Variants in DSG4 observed in about 807,000 individuals in gnomAD.
The protein encoded by DSG4 is desmoglein 4, also known as desmoglein-4.
In DSG4, 87 loss-of-function variants were observed where a neutral mutation model predicts 93.1. That is an observed-to-expected ratio of 0.93 (90% CI 0.79 to 1.12). DSG4 has a LOEUF of 1.12. Ranked by LOEUF, DSG4 falls within the 50% of genes most tolerant of loss-of-function variation. The pLI, the probability that DSG4 is intolerant of heterozygous loss-of-function variation, is 0.00. For synonymous variants in DSG4, 432 were observed against 452.9 expected (o/e 0.95, Z 0.59); for missense variants, 1,373 against 1,285.7 (o/e 1.07, Z -1.04).
rs2072390898 is a variant in DSG4, at chr18:31,403,442, A to G, written c.1444A>G (p.Thr482Ala). 5 of 1,613,316 alleles carry G rather than the reference A, an allele frequency of 3.1e-6. No individual in the cohort carries two copies. The highest frequency in any genetic ancestry group is 1.3e-5 in the African/African-American group (1 of 74,908). Residue 482 changes from threonine to alanine, a missense_variant, in exon 11 of 16, where the codon ACC becomes GCC. Thr to Ala is a moderately conservative substitution (Grantham distance 58). Coordinates refer to ENST00000308128, the MANE Select transcript of DSG4 (RefSeq NM_177986.5). ...TGGCTCTGGAAAAACAGCTACAGGA[A>G]CCATATGTATTGAGGTTCCTGATAT... ...DDGSGKTATG[T>A]ICIEVPDIND...
At chr18:31,399,148 C>T in intron 8 of DSG4, 124 bp from the exon 9 acceptor site, 1 of 1,315,364 alleles carries the variant, frequency 7.6e-7, no homozygotes, top group Non-Finnish European at 1.1e-6. Flanking sequence ...TTTTTCAATT[C>T]AAAATCTAAA....
chr18:31,413,347 T>A lies in DSG4; in HGVS notation c.2875T>A (p.Tyr959Asn). The change falls in exon 16 of 16, where the codon TAC becomes AAC. Residue 959 changes from tyrosine (Y) to asparagine (N), a missense_variant. By Grantham distance (143) the Tyr-to-Asn change is moderately radical. Transcript: ENST00000308128. ...NICVPAELAD[Y>N]NNVIYAERVL... ...TTGTGTACCTGCTGAGTTAGCAGAT[T>A]ACAACAATGTAATCTATGCTGAGAG... 1.9e-6 allele frequency: 3 copies of A among 1,614,186 alleles called. No homozygotes were observed. The highest frequency in any genetic ancestry group is 2.5e-6 in the Non-Finnish European group (3 of 1,180,034).
intron 4 of DSG4, 69 bp from the exon 5 acceptor site, chr18:31,388,805 A>G (rs2072217126): frequency 7.5e-6 from 12 of 1,609,042 alleles, no homozygotes; most frequent in Non-Finnish European, 1.0e-5. Flanking sequence ...CTATTTTCTG[A>G]TATATTTTCA....
At chr18:31,381,751 C>T (rs2144159841) in intron 1 of DSG4, among the ~76,000 whole-genome samples, 1 of 152,210 alleles carries the variant, frequency 6.6e-6, no homozygotes. Context: ...CGTCCCCCTC[C>T]CAGGTTCAGG....
Position 31,403,765 on chromosome 18 carries a change from G to A in DSG4, c.1636+131G>A. On this transcript the variant is annotated intron_variant, in intron 11 of 15. Transcript: ENST00000308128. ...AGTTCTTGCCATATTAACATTAAAT[G>A]AAAAAAATATTTCATGTACACAGAG... 2.6e-5 allele frequency: 21 copies of A among 823,466 alleles called. No homozygotes were observed. In the Admixed American group the frequency reaches 3.1e-4, roughly 12 times the overall value. The allele number at this position is 823,466 out of a possible 1,614,324, so 51.0% of individuals were successfully genotyped here. A position where few individuals can be genotyped will look rare whatever the true frequency, so the allele number is the denominator to read the frequency against.
chr18:31,385,321 T>C lies in DSG4; in HGVS notation c.84+150T>C, dbSNP rs573426535. On this transcript the variant is annotated intron_variant, in intron 2 of 15. Transcript: ENST00000308128. ...AACTAGTGAACTGAAATAGCGATGG[T>C]AAAATCCATGCTCCCAAATCTCTAT... The C allele has an allele frequency of 4.7e-5, 29 of 612,054 alleles. No individual in the cohort carries two copies. The South Asian group carries it at 6.5e-4, about 14-fold the overall frequency. The allele number at this position is 612,054 out of a possible 1,614,324, so 37.9% of individuals were successfully genotyped here.
At position 31,388,277 on chromosome 18, in the gene DSG4, G is replaced by A. The variant is rs182027794; in HGVS notation, c.217-90G>A. The A allele has an allele frequency of 1.9e-3, 2,737 of 1,469,520 alleles. 5 individuals are homozygous for A. Among genetic ancestry groups the A allele is most frequent in the Non-Finnish European group, 2.3e-3 (2,486 of 1,069,044 alleles). The allele number at this position is 1,469,520 out of a possible 1,614,324, so 91.0% of individuals were successfully genotyped here. A position where few individuals can be genotyped will look rare whatever the true frequency, so the allele number is the denominator to read the frequency against. ...CAGGTTTCAATCCAAAGCCCATTTG[G>A]TAAAGAAACCCACTCCCTTCTTATT... On this transcript the variant is annotated intron_variant, in intron 3 of 15. Coordinates refer to ENST00000308128, the MANE Select transcript of DSG4 (RefSeq NM_177986.5).
rs1223884653 is a variant in DSG4, at chr18:31,414,372, T to G, written c.*777T>G. On this transcript the variant is annotated 3_prime_UTR_variant, in exon 16 of 16. Transcript: ENST00000308128. ...CACTTACAGGGAATTTTTTCCCTAC[T>G]GTTGCCAATTATGTCAGAAAAATAC... The G allele has an allele frequency of 1.3e-5, 2 of 152,226 alleles. No homozygotes were observed. Among genetic ancestry groups the G allele is most frequent in the Non-Finnish European group, 2.9e-5 (2 of 68,036 alleles). 9.4% of individuals were successfully genotyped at this position (152,226 alleles called of 1,614,324 possible). A position where few individuals can be genotyped will look rare whatever the true frequency, so the allele number is the denominator to read the frequency against.
At chr18:31,388,315 T>G (rs1400803827) in intron 3 of DSG4, 52 bp from the exon 4 acceptor site, 3 of 1,603,564 alleles carry the variant, frequency 1.9e-6, no homozygotes, top group East Asian at 4.5e-5. Context: ...ACTACACTCT[T>G]AAGCATTATC....
chr18:31,409,722 A>C, intron 13 of DSG4, 23 bp from the exon 14 acceptor site: 1 of 1,614,170 alleles, frequency 6.2e-7, no homozygotes, highest in Non-Finnish European at 8.5e-7. Flanking sequence ...GTTTGTTTTT[A>C]AAATGTTTAT....
At chr18:31,392,700 T>C (rs943026033) in intron 8 of DSG4, among the ~76,000 whole-genome samples, 1 of 152,100 alleles carries the variant, frequency 6.6e-6, no homozygotes, top group Non-Finnish European at 1.5e-5. Context: ...TATGAAATAA[T>C]GAAAGAGATA....
At position 31,389,017 on chromosome 18, in the gene DSG4, C is replaced by T. The variant is rs1314899523; in HGVS notation, c.516C>T (p.Ala172=). 2 of 1,612,912 alleles carry T rather than the reference C, an allele frequency of 1.2e-6. No homozygotes were observed. The highest frequency in any genetic ancestry group is 3.3e-4 in the Middle Eastern group (2 of 6,050). ...CCAGCATTGAAGAAAATAGTGATGC[C>T]AGTAAGTAGAATGACATTCCTTCTC... ...YTASIEENSD[A]NTLVVKLCAT... is the part of the protein sequence containing the mutation. Residue 172 remains alanine (A), a splice_region_variant and synonymous_variant, in exon 5 of 16, where the codon GCC becomes GCT. Transcript: ENST00000308128.
rs1326485232 is a variant in DSG4, at chr18:31,376,884, G to T, written c.-28G>T. On this transcript the variant is annotated 5_prime_UTR_variant, in exon 1 of 16. Transcript: ENST00000308128. ...CGAGGGCTCAAATTGAATCTCACAG[G>T]ATTTGCGTGCAAGAGAAACCCAAAG... 6.2e-7 allele frequency: 1 copy of T among 1,613,390 alleles called. No homozygotes were observed. Among genetic ancestry groups the T allele is most frequent in the East Asian group, 2.2e-5 (1 of 44,838 alleles).
intron 12 of DSG4, 112 bp downstream of exon 12, chr18:31,406,485 A>AT (rs2072429112): frequency 8.1e-7 from 1 of 1,241,168 alleles, no homozygotes; most frequent in Non-Finnish European, 1.2e-6. Flanking sequence ...ATCTCTAGCA[A>AT]TTTTTGAGTG....
At chr18:31,399,205 T>C in intron 8 of DSG4, 67 bp from the exon 9 acceptor site, 4 of 1,601,954 alleles carry the variant, frequency 2.5e-6, no homozygotes, top group Admixed American at 1.7e-5. Flanking sequence ...TGCTTTACCA[T>C]GGCTTCTTAC....
chr18:31,386,902 T>C, intron 3 of DSG4, 83 bp downstream of exon 3: 3 of 1,589,386 alleles, frequency 1.9e-6, no homozygotes, highest in Non-Finnish European at 2.6e-6. Context: ...CAGGCTTCAC[T>C]GCTCCACAGT....
intron 3 of DSG4, 70 bp from the exon 4 acceptor site, chr18:31,388,297 C>A: frequency 6.4e-7 from 1 of 1,569,834 alleles, no homozygotes. Context: ...CCACTCCCTT[C>A]TTATTCCACT....
At position 31,379,202 on chromosome 18, in the gene DSG4, C is replaced by T. The variant is rs139277220; in HGVS notation, c.48+2243C>T. 1.9e-3 allele frequency among the ~76,000 whole-genome samples: 295 copies of T among 152,206 alleles called. 1 individual carries two copies. Among genetic ancestry groups the T allele is most frequent in the African/African-American group, 6.7e-3 (279 of 41,526 alleles). ...ACAGTGAATCGAGATTCAGAAGTCC[C>T]GGGTTTGAATTACAGCTCCTCTTCA... On this transcript the variant is annotated intron_variant, in intron 1 of 15. Transcript: ENST00000308128.
At position 31,406,228 on chromosome 18, in the gene DSG4, G is replaced by A. The variant is rs531560464; in HGVS notation, c.1788G>A (p.Leu596=). 3.7e-6 allele frequency: 6 copies of A among 1,612,928 alleles called. No individual in the cohort carries two copies. Among genetic ancestry groups the A allele is most frequent in the East Asian group, 2.2e-5 (1 of 44,780 alleles). Residue 596 remains leucine, a synonymous_variant, in exon 12 of 16, where the codon CTG becomes CTA. Coordinates refer to ENST00000308128, the MANE Select transcript of DSG4 (RefSeq NM_177986.5). ...ACDCDDNHMC[L]DSGAAGIYTE... is the part of the protein sequence containing the mutation. The stretch of plus-strand genomic sequence containing the variant: ...ATTGCGATGACAACCACATGTGCCT[G>A]GACTCTGGTGCCGCGGGCATCTACA...
Sources: allele counts gnomAD v4.1 joint callset (sites outside exome capture counted in the v4.1 genomes callset), GRCh38; gene constraint gnomAD v4.1.1; transcripts MANE v1.5; gene names NCBI Gene and HGNC (gene_info 2026-07-23, HGNC 2026-07-21).